The following PABPN1 variants were observed in gnomAD, a reference collection of about 807,000 sequenced individuals.
PABPN1 encodes polyadenylate-binding protein 2.
Under a neutral mutation model 33.4 loss-of-function variants are expected in PABPN1, and 5 were observed. The ratio of observed to expected loss-of-function variants is 0.15; its 90% CI spans 0.08 to 0.32. The LOEUF (loss-of-function observed/expected upper bound fraction) is 0.32, where lower values mean the gene tolerates loss of function less well. PABPN1 is among the 10% of genes least tolerant of loss of function. PABPN1 has a pLI of 1.00. For synonymous variants in PABPN1, 176 were observed against 170.6 expected (o/e 1.03, Z -0.25); for missense variants, 312 against 425.8 (o/e 0.73, Z 2.35).
chr14:23,323,508 A>G, intron 4 of PABPN1, 25 bp downstream of exon 4: 2 of 1,587,032 alleles, frequency 1.3e-6, no homozygotes, highest in Non-Finnish European at 1.7e-6. Context: ...GTAAGTTGAG[A>G]TAATTTAAAT....
intron 3 of PABPN1, 71 bp from the exon 4 acceptor site, chr14:23,323,306 A>C: frequency 6.6e-7 from 1 of 1,522,576 alleles, no homozygotes; most frequent in South Asian, 1.1e-5. Flanking sequence ...GGCCCAGACC[A>C]AAGGCTCGGG....
At position 23,323,024 on chromosome 14, in the gene PABPN1, G is replaced by A. The variant is rs1668816418; in HGVS notation, c.492G>A (p.Glu164=). 1 of 1,614,158 alleles carries A rather than the reference G, an allele frequency of 6.2e-7. No homozygotes were observed. The highest frequency in any genetic ancestry group is 8.5e-7 in the Non-Finnish European group (1 of 1,180,026). ...GNAGPVIMSI[E]EKMEADARSI... ...CTGGCCCGGTGATCATGTCCATTGAGGAGAAGATGGAGGCTGATGCCCGTT... is the reference window on the plus strand; with the variant it reads ...CTGGCCCGGTGATCATGTCCATTGAAGAGAAGATGGAGGCTGATGCCCGTT... Residue 164 remains glutamate (E), a synonymous_variant, in exon 3 of 7, where the codon GAG becomes GAA. Transcript: ENST00000216727.
chr14:23,324,228 A>C lies in PABPN1; in HGVS notation c.820A>C (p.Asn274His). Residue 274 changes from asparagine (N) to histidine (H), a missense_variant, in exon 6 of 7, where the codon AAC becomes CAC. Transcript: ENST00000216727. ...ARYRARTTNYNSSRSRFYSGF... is the reference protein window; with the variant it reads ...ARYRARTTNYHSSRSRFYSGF... The stretch of plus-strand genomic sequence containing the variant: ...CTACCGCGCCCGGACCACCAACTAC[A>C]ACAGCTCCCGCTCTCGATTCTACAG... 1.2e-6 allele frequency: 2 copies of C among 1,614,094 alleles called. No individual in the cohort carries two copies. Among genetic ancestry groups the C allele is most frequent in the South Asian group, 1.1e-5 (1 of 91,082 alleles).
In PABPN1 at chr14:23,322,213, G is replaced by A. The variant is rs879188586; in HGVS notation, c.384G>A (p.Glu128=). The A allele has an allele frequency of 1.9e-6, 3 of 1,610,648 alleles. No individual in the cohort carries two copies. The highest frequency in any genetic ancestry group is 3.4e-5 in the Admixed American group (2 of 59,510). ...ELEAIKARVR[E]MEEEAEKLKE... is the part of the protein sequence containing the mutation. ...AAGCTATCAAAGCTCGAGTCAGGGA[G>A]ATGGAGGAAGAAGCTGAGAAGCTAA... The change falls in exon 2 of 7, where the codon GAG becomes GAA. Residue 128 remains glutamate, a synonymous_variant. Coordinates refer to ENST00000216727, the MANE Select transcript of PABPN1 (RefSeq NM_004643.4).
chr14:23,326,163 ATTGT>A (rs771408031), downstream of PABPN1: 14 of 152,414 alleles, frequency 9.2e-5, no homozygotes, highest in East Asian at 1.9e-4. Flanking sequence ...GAAAATAAAA[ATTGT>A]TTGGCCTTTT....
chr14:23,323,578 C>CTT, intron 4 of PABPN1, 95 bp downstream of exon 4: 1 of 1,155,830 alleles, frequency 8.7e-7, no homozygotes, highest in Non-Finnish European at 1.3e-6. Flanking sequence ...TTGGTGTTAA[C>CTT]ACAGGTGATC....
chr14:23,325,180 C>T (rs370179544), intron 6 of PABPN1, 67 bp from the exon 7 acceptor site: 31 of 1,606,152 alleles, frequency 1.9e-5, no homozygotes, highest in South Asian at 8.8e-5. Context: ...CAGGGGCCTA[C>T]GGGGAGGGGC....
In PABPN1 at chr14:23,325,404, T is replaced by A. The variant is rs200118006; in HGVS notation, c.*118T>A. 469 of 1,306,096 alleles carry A rather than the reference T, an allele frequency of 3.6e-4. No individual in the cohort carries two copies. The highest frequency in any genetic ancestry group is 3.1e-3 in the East Asian group (121 of 39,574). 80.9% of individuals were successfully genotyped at this position (1,306,096 alleles called of 1,614,324 possible). On this transcript the variant is annotated 3_prime_UTR_variant, in exon 7 of 7. Coordinates refer to ENST00000216727, the MANE Select transcript of PABPN1 (RefSeq NM_004643.4). ...ACCTTGATGGAAAAAAAATATTTTT[T>A]AAAAAAAAGATATACTGTGGAAGGG...
intron 6 of PABPN1, chr14:23,324,665 G>A (rs111482917): frequency 6.9e-4 from 273 of 396,604 alleles, no homozygotes; most frequent in African/African-American, 5.1e-3. Context: ...GTTAGGGAGG[G>A]ATTGAAGACT....
At position 23,322,122 on chromosome 14, in the gene PABPN1, C is replaced by T. The variant is rs986617121; in HGVS notation, c.352-59C>T. ...GGCCGCGCTCTGGCCGAGAGCAGGG[C>T]ACAGCCCCTGCGTTGGTTCCTCTTA... On this transcript the variant is annotated intron_variant, in intron 1 of 6. Coordinates refer to ENST00000216727, the MANE Select transcript of PABPN1 (RefSeq NM_004643.4). 4.2e-5 allele frequency: 63 copies of T among 1,503,090 alleles called. 1 individual carries two copies. The Middle Eastern group carries it at 1.1e-3, about 25-fold the overall frequency. The allele number at this position is 1,503,090 out of a possible 1,614,324, so 93.1% of individuals were successfully genotyped here.
rs1159524550 is a variant in PABPN1, at chr14:23,325,350, A to T, written c.*64A>T. 17 of 380,318 alleles carry T rather than the reference A, an allele frequency of 4.5e-5. No homozygotes were observed. Among genetic ancestry groups the T allele is most frequent in the East Asian group, 1.8e-4 (2 of 11,102 alleles). 23.6% of individuals were successfully genotyped at this position (380,318 alleles called of 1,614,324 possible). A position where few individuals can be genotyped will look rare whatever the true frequency, so the allele number is the denominator to read the frequency against. ...GGAAAGAAGGAAAAAAAAAAGAATT[A>T]AAAAAAAAAAAAAGAAAAACAGAAG... On this transcript the variant is annotated 3_prime_UTR_variant, in exon 7 of 7. Transcript: ENST00000216727.
At chr14:23,324,376 C>T in intron 6 of PABPN1, 87 bp downstream of exon 6, 1 of 1,305,554 alleles carries the variant, frequency 7.7e-7, no homozygotes, top group Non-Finnish European at 1.0e-6. Flanking sequence ...ACCTCCCTCC[C>T]CCCACCCCTC....
chr14:23,323,571 G>A, intron 4 of PABPN1, 88 bp downstream of exon 4: 2 of 1,244,766 alleles, frequency 1.6e-6, no homozygotes, highest in Admixed American at 1.8e-5. Flanking sequence ...AAGTTATTTG[G>A]TGTTAACACA....
intron 6 of PABPN1, chr14:23,324,527 G>T: frequency 1.6e-6 from 1 of 606,106 alleles, no homozygotes. Flanking sequence ...GGTTCAAAGA[G>T]GCTTCCACCC....
rs1461189820 is a variant in PABPN1, at chr14:23,323,989, C to G, written c.666C>G (p.Asp222Glu). The change falls in exon 5 of 7, where the codon GAC becomes GAG. Residue 222 changes from aspartate to glutamate, a missense_variant. Physicochemically the swap from Asp to Glu is conservative, Grantham distance 45. Around this residue, in one of 3 missense-constraint regions of PABPN1, gnomAD observed 77 missense variants for 185.7 expected, o/e 0.41. Coordinates refer to ENST00000216727, the MANE Select transcript of PABPN1 (RefSeq NM_004643.4). ...PKGFAYIEFS[D>E]KESVRTSLAL... ...GGTTTGCGTATATAGAGTTCTCAGA[C>G]AAAGAGTCAGTGAGGACTTCCTTGG... 1 of 1,614,144 alleles carries G rather than the reference C, an allele frequency of 6.2e-7. No individual in the cohort carries two copies. Among genetic ancestry groups the G allele is most frequent in the Admixed American group, 1.7e-5 (1 of 60,020 alleles).
Position 23,325,349 on chromosome 14 carries a change from TAAAA to T in PABPN1, c.*74_*77del. ...AGGAAAGAAGGAAAAAAAAAAGAAT[TAAAA>T]AAAAAAAAAAGAAAAACAGAAGATG... On this transcript the variant is annotated 3_prime_UTR_variant, in exon 7 of 7. Transcript: ENST00000216727. 9.2e-6 allele frequency: 10 copies of T among 1,092,158 alleles called. No homozygotes were observed. The highest frequency in any genetic ancestry group is 3.2e-4 in the Middle Eastern group (1 of 3,158). The allele number at this position is 1,092,158 out of a possible 1,614,324, so 67.7% of individuals were successfully genotyped here. A position where few individuals can be genotyped will look rare whatever the true frequency, so the allele number is the denominator to read the frequency against.
chr14:23,321,819 CG>C lies in PABPN1; in HGVS notation c.351+1del. On this transcript the variant is annotated frameshift_variant and splice_region_variant, in exon 1 of 7. Transcript: ENST00000216727. LOFTEE classifies it high-confidence loss of function. ...CCGGGGGACGGCGCCATTGAGGACC[CG>C]GTGAGGGAAGGAGGGCGAGCGAGCA... ...GDPGDGAIED[P>X]ELEAIKARVR... is the part of the protein sequence containing the mutation. The C allele has an allele frequency of 6.8e-7, 1 of 1,467,546 alleles. No individual in the cohort carries two copies. The highest frequency in any genetic ancestry group is 9.0e-7 in the Non-Finnish European group (1 of 1,108,606). The allele number at this position is 1,467,546 out of a possible 1,614,324, so 90.9% of individuals were successfully genotyped here. A position where few individuals can be genotyped will look rare whatever the true frequency, so the allele number is the denominator to read the frequency against.
At chr14:23,321,916 G>T in intron 1 of PABPN1, 96 bp downstream of exon 1, 1 of 799,644 alleles carries the variant, frequency 1.3e-6, no homozygotes, top group Non-Finnish European at 1.9e-6. Flanking sequence ...CGGGGGGTGG[G>T]GTTGGGCGGG....
intron 6 of PABPN1, 167 bp downstream of exon 6, chr14:23,324,456 A>C: frequency 2.3e-6 from 2 of 856,260 alleles, no homozygotes; most frequent in Non-Finnish European, 3.7e-6. Flanking sequence ...CCAGGCCAGA[A>C]GGCCAGCCTC....
Sources: gnomAD v4.1 joint callset for allele counts on GRCh38, gnomAD v4.1.1 for gene constraint, gnomAD v4.1.1 regional missense constraint, MANE v1.5 for transcripts, NCBI Gene and HGNC (gene_info 2026-07-23, HGNC 2026-07-21) for gene names.